The following TRRAP variants were observed in gnomAD, a reference collection of about 807,000 sequenced individuals.
TRRAP encodes the protein transformation/transcription domain-associated protein.
A neutral mutation model predicts 438.8 loss-of-function variants in TRRAP; 41 were observed. The ratio of observed to expected loss-of-function variants is 0.09; its 90% CI spans 0.07 to 0.12. TRRAP has a LOEUF of 0.12. TRRAP is among the 10% of genes least tolerant of loss of function. The pLI is 1.00. For missense variants in TRRAP, 3,122 were observed against 5,055.1 expected, an observed-to-expected ratio of 0.62 and a Z score of 11.60; for synonymous variants, 1,994 against 1,962.9, an observed-to-expected ratio of 1.02 and a Z score of -0.42.
intron 30 of TRRAP, among the ~76,000 whole-genome samples, chr7:98,941,798 T>C (rs961713609): frequency 6.6e-6 from 1 of 152,176 alleles, no homozygotes; most frequent in Non-Finnish European, 1.5e-5. Context: ...TGTCGGTGTT[T>C]CATGAAGACC....
chr7:98,920,383 T>G (rs1291943662), intron 20 of TRRAP, among the ~76,000 whole-genome samples: 1 of 152,010 alleles, frequency 6.6e-6, no homozygotes, highest in Non-Finnish European at 1.5e-5. Context: ...GGAGGATTGC[T>G]TGCTTGGACC....
chr7:98,917,957 A>G (rs1562940543), intron 20 of TRRAP, among the ~76,000 whole-genome samples: 1 of 151,928 alleles, frequency 6.6e-6, no homozygotes, highest in Non-Finnish European at 1.5e-5. Flanking sequence ...ACCCATCTCT[A>G]CAAAAAATAC....
At chr7:98,925,012 A>G (rs1789982542) in intron 21 of TRRAP, 100 bp from the exon 22 acceptor site, 1 of 1,475,046 alleles carries the variant, frequency 6.8e-7, no homozygotes, top group Non-Finnish European at 9.0e-7. Flanking sequence ...CTCAAAAAAA[A>G]AAAAAGATTC....
intron 3 of TRRAP, among the ~76,000 whole-genome samples, chr7:98,886,112 C>T (rs1795683072): frequency 6.6e-6 from 1 of 152,134 alleles, no homozygotes; most frequent in Non-Finnish European, 1.5e-5. Flanking sequence ...TGGTGAAACT[C>T]TGTCTCTACT....
intron 8 of TRRAP, among the ~76,000 whole-genome samples, chr7:98,898,092 T>C (rs1271449630): frequency 6.6e-6 from 1 of 152,190 alleles, no homozygotes; most frequent in Non-Finnish European, 1.5e-5. Flanking sequence ...AAACCCAGAA[T>C]CACCCTGCTG....
intron 7 of TRRAP, among the ~76,000 whole-genome samples, chr7:98,896,601 C>T (rs1796217086): frequency 6.6e-6 from 1 of 151,972 alleles, no homozygotes; most frequent in Admixed American, 6.6e-5. Context: ...AGAGGCTGGT[C>T]TTGAACTCCT....
chr7:98,968,124 T>C (rs368041394), intron 51 of TRRAP, among the ~76,000 whole-genome samples: 3 of 152,184 alleles, frequency 2.0e-5, no homozygotes, highest in Admixed American at 6.5e-5. Flanking sequence ...GTTTAAGCAA[T>C]TGTTGTGCCC....
intron 3 of TRRAP, among the ~76,000 whole-genome samples, chr7:98,887,706 G>A (rs566076021): frequency 2.4e-4 from 31 of 128,390 alleles, no homozygotes; most frequent in Non-Finnish European, 4.4e-4. Context: ...CTCCAGCCTG[G>A]TGACAAGAGT....
chr7:98,944,485 A>G (rs1459290349), intron 31 of TRRAP, among the ~76,000 whole-genome samples: 8 of 152,032 alleles, frequency 5.3e-5, no homozygotes, highest in African/African-American at 1.9e-4. Context: ...TTATCCTGTG[A>G]TTGTGTTACC....
At position 98,965,820 on chromosome 7, in the gene TRRAP, T is replaced by C. The variant is rs1352574570; in HGVS notation, c.7101T>C (p.Asp2367=). The change falls in exon 49 of 73, where the codon GAT becomes GAC. Residue 2367 remains aspartate, a synonymous_variant. Coordinates refer to ENST00000456197, the MANE Select transcript of TRRAP (RefSeq NM_001375524.1). ...CATCCCTCATCGAAAAATCACCAGA[T>C]GCCAAAATCCTCCGGGCTGTGGTCA... The part of the protein sequence containing the change: ...ILTSLIEKSP[D]AKILRAVVKI... 1.9e-6 allele frequency: 3 copies of C among 1,614,092 alleles called. No homozygotes were observed. Among genetic ancestry groups the C allele is most frequent in the Non-Finnish European group, 2.5e-6 (3 of 1,180,012 alleles).
At position 98,981,930 on chromosome 7, in the gene TRRAP, A is replaced by T. The variant is rs765168521; in HGVS notation, c.8796A>T (p.Val2932=). The T allele has an allele frequency of 6.2e-7, 1 of 1,606,916 alleles. No individual in the cohort carries two copies. The highest frequency in any genetic ancestry group is 1.7e-5 in the Admixed American group (1 of 59,304). Reference sequence around the variant, plus strand: ...GCGAGTGGCGGCGGCTGCCCCACGTAGTGTCCCACGTGCACACGCCTCTCC... The same window carrying T: ...GCGAGTGGCGGCGGCTGCCCCACGTTGTGTCCCACGTGCACACGCCTCTCC... The part of the protein sequence containing the change: ...AIREWRRLPH[V]VSHVHTPLLQ... The change falls in exon 59 of 73, where the codon GTA becomes GTT. Residue 2932 remains valine, a synonymous_variant. Coordinates refer to ENST00000456197, the MANE Select transcript of TRRAP (RefSeq NM_001375524.1).
intron 51 of TRRAP, among the ~76,000 whole-genome samples, 184 bp from the exon 52 acceptor site, chr7:98,969,928 G>C (rs1792333874): frequency 6.6e-6 from 1 of 152,090 alleles, no homozygotes; most frequent in African/African-American, 2.4e-5. Context: ...TGTGGACGAT[G>C]CCTTGGAGGG....
chr7:98,946,317 A>AT (rs1791054239), intron 33 of TRRAP, among the ~76,000 whole-genome samples: 1 of 152,182 alleles, frequency 6.6e-6, no homozygotes, highest in African/African-American at 2.4e-5. Context: ...AGTGGGAGGA[A>AT]TTACATGTTC....
At chr7:98,945,867 C>G in intron 32 of TRRAP, 63 bp from the exon 33 acceptor site, 1 of 1,566,844 alleles carries the variant, frequency 6.4e-7, no homozygotes, top group East Asian at 2.3e-5. Context: ...CTTTTCTTTT[C>G]TTTTCTTTTC....
chr7:98,988,668 G>GC, intron 62 of TRRAP, 97 bp from the exon 63 acceptor site: 1 of 1,396,500 alleles, frequency 7.2e-7, no homozygotes, highest in Non-Finnish European at 9.7e-7. Context: ...TGGACCAAAT[G>GC]CCCCGCAGTG....
rs777593812 is a variant in TRRAP at position 98,976,538 on chromosome 7, G to A, written c.8015G>A (p.Arg2672Gln). 6.2e-7 allele frequency: 1 copy of A among 1,613,644 alleles called. No homozygotes were observed. Among genetic ancestry groups the A allele is most frequent in the Admixed American group, 1.7e-5 (1 of 60,024 alleles). ...TGCAGCGGCAGTCACCAGGTGCAGC[G>A]GGACTGCCAGCCCAGCGCGCTGAAC... ...FLCSGSHQVQ[R>Q]DCQPSALNCF... is the part of the protein sequence containing the mutation. Residue 2672 changes from arginine to glutamine, a missense_variant, in exon 55 of 73, where the codon CGG becomes CAG. This residue lies in a region of TRRAP where 992 missense variants were observed against 1,281.2 expected (regional missense o/e 0.77). Transcript: ENST00000456197. The surrounding 1 kb of genome is among the most constrained non-coding windows in gnomAD (Gnocchi z 4.6).
At chr7:98,955,422 C>G in intron 41 of TRRAP, 118 bp downstream of exon 41, 2 of 1,088,726 alleles carry the variant, frequency 1.8e-6, no homozygotes, top group South Asian at 3.2e-5. Context: ...AAGGCTACTT[C>G]TGGTTCATTG....
At chr7:98,921,328 G>A (rs73155628) in intron 20 of TRRAP, among the ~76,000 whole-genome samples, 4,995 of 152,236 alleles carry the variant, frequency 0.033, 90 homozygotes, top group South Asian at 0.055. Context: ...CGGTGTGTTT[G>A]GGTAACAGAG....
In TRRAP at chr7:99,011,401, C is replaced by T. The variant is rs757062545; in HGVS notation, c.11203C>T (p.Leu3735=). 5.6e-6 allele frequency: 9 copies of T among 1,614,274 alleles called. No individual in the cohort carries two copies. The highest frequency in any genetic ancestry group is 7.6e-6 in the Non-Finnish European group (9 of 1,180,052). Residue 3735 remains leucine (L), a synonymous_variant, in exon 72 of 73, where the codon CTG becomes TTG. Coordinates refer to ENST00000456197, the MANE Select transcript of TRRAP (RefSeq NM_001375524.1). The surrounding 1 kb of genome is among the most constrained non-coding windows in gnomAD (Gnocchi z 7.1). The part of the protein sequence containing the change: ...RFDINDATGD[L]DANRPVPFRL... ...TGACATAAACGACGCGACTGGAGACCTGGATGCCAACCGTCCTGTCCCATT... is the reference window on the plus strand; with the variant it reads ...TGACATAAACGACGCGACTGGAGACTTGGATGCCAACCGTCCTGTCCCATT...
Sources: gnomAD v4.1 joint callset for allele counts (sites outside exome capture counted in the v4.1 genomes callset) on GRCh38, gnomAD v4.1.1 for gene constraint, gnomAD v4.1.1 regional missense constraint, Gnocchi (gnomAD v3.1) non-coding constraint, MANE v1.5 for transcripts, NCBI Gene and HGNC (gene_info 2026-07-23, HGNC 2026-07-21) for gene names.